Variants in NRXN1 observed in about 807,000 individuals in gnomAD.
NRXN1 encodes neurexin 1.
In NRXN1, 39 loss-of-function variants were observed where a neutral mutation model predicts 150.9. The ratio of observed to expected loss-of-function variants is 0.26; its 90% CI spans 0.20 to 0.34. The LOEUF (loss-of-function observed/expected upper bound fraction) is 0.34. Among genes scored for constraint, NRXN1 ranks in the 10% least tolerant of loss-of-function variants. The probability of loss-of-function intolerance (pLI) is 1.00; values close to 1 mark genes in which losing one functional copy is unlikely to be tolerated. For synonymous variants in NRXN1, 924 were observed against 757.0 expected (o/e 1.22, Z -3.62); for missense variants, 1,815 against 1,949.9 (o/e 0.93, Z 1.30).
At chr2:50,487,535 G>A (rs530799093) in intron 15 of NRXN1, among the ~76,000 whole-genome samples, 3 of 152,266 alleles carry the variant, frequency 2.0e-5, no homozygotes, top group African/African-American at 7.2e-5. Context: ...TTTCCTGTGT[G>A]GATAAAGATG....
At position 50,574,491 on chromosome 2, in the gene NRXN1, G is replaced by A. The variant is rs893755032; in HGVS notation, c.1321-21466C>T. Among the ~76,000 whole-genome samples the A allele has an allele frequency of 3.9e-5, 6 of 152,030 alleles. No individual in the cohort carries two copies. In the East Asian group the frequency reaches 7.7e-4, roughly 20 times the overall value. On this transcript the variant is annotated intron_variant, in intron 8 of 22. Coordinates refer to ENST00000401669, the MANE Select transcript of NRXN1 (RefSeq NM_001330078.2). ...TCATCTCCCAAGGCTCCTTTCCTAT[G>A]CAGGCAAAATCAAATTAACTTCAAA...
chr2:50,483,724 T>C (rs7578235), intron 15 of NRXN1, among the ~76,000 whole-genome samples: 152,110 of 152,310 alleles, frequency 1, 75,956 homozygotes, highest in Middle Eastern at 1. Context: ...AATTCTTTTC[T>C]GATGCACCAC....
intron 15 of NRXN1, among the ~76,000 whole-genome samples, chr2:50,489,690 T>G (rs192193232): frequency 5.3e-4 from 81 of 152,182 alleles, no homozygotes; most frequent in Non-Finnish European, 9.9e-4. Context: ...TTGATAAAAC[T>G]AAATATAGAC....
intron 5 of NRXN1, among the ~76,000 whole-genome samples, chr2:50,879,326 A>C (rs1238859322): frequency 6.6e-6 from 1 of 151,938 alleles, no homozygotes; most frequent in Non-Finnish European, 1.5e-5. Flanking sequence ...TTTCTTAAAA[A>C]TCAAGCAATC....
At chr2:50,360,075 C>T (rs1167989505) in intron 17 of NRXN1, among the ~76,000 whole-genome samples, 1 of 152,146 alleles carries the variant, frequency 6.6e-6, no homozygotes, top group African/African-American at 2.4e-5. Flanking sequence ...TTTGTCACCA[C>T]CAGGCCTGCC....
chr2:50,355,137 C>T (rs1403640469), intron 17 of NRXN1, among the ~76,000 whole-genome samples: 1 of 151,764 alleles, frequency 6.6e-6, no homozygotes, highest in Non-Finnish European at 1.5e-5. Flanking sequence ...GCATATACTA[C>T]AATTTGAATG....
intron 5 of NRXN1, among the ~76,000 whole-genome samples, chr2:50,848,434 T>C (rs1017937635): frequency 3.9e-5 from 6 of 152,110 alleles, no homozygotes; most frequent in African/African-American, 1.2e-4. Flanking sequence ...GAAAAGCTAA[T>C]GACATATGTT....
intron 17 of NRXN1, among the ~76,000 whole-genome samples, chr2:50,434,513 A>T (rs1007667755): frequency 6.6e-6 from 1 of 152,308 alleles, no homozygotes; most frequent in East Asian, 1.9e-4. Flanking sequence ...AAGAAGGACA[A>T]TGAGCTACTG....
In NRXN1 at chr2:51,029,029, C is replaced by T. The variant is rs1274454199; in HGVS notation, c.-756G>A. 2.0e-5 allele frequency: 3 copies of T among 152,346 alleles called. No homozygotes were observed. The highest frequency in any genetic ancestry group is 4.8e-5 in the African/African-American group (2 of 41,582). 9.4% of individuals were successfully genotyped at this position (152,346 alleles called of 1,614,324 possible). A position where few individuals can be genotyped will look rare whatever the true frequency, so the allele number is the denominator to read the frequency against. On this transcript the variant is annotated 5_prime_UTR_variant, in exon 2 of 23. Coordinates refer to ENST00000401669, the MANE Select transcript of NRXN1 (RefSeq NM_001330078.2). ...GCCACGGCAACAGTAGGACTCAAAC[C>T]CAGCAGTTGCGAAATAGCCAGAAGC...
chr2:50,373,092 C>T (rs1388817851), intron 17 of NRXN1, among the ~76,000 whole-genome samples: 1 of 151,902 alleles, frequency 6.6e-6, no homozygotes, highest in African/African-American at 2.4e-5. Context: ...CTACTTTACT[C>T]TGTGTTTTAA....
At chr2:50,832,551 G>T (rs1163018869) in intron 5 of NRXN1, among the ~76,000 whole-genome samples, 4 of 152,120 alleles carry the variant, frequency 2.6e-5, no homozygotes, top group Admixed American at 2.6e-4. Flanking sequence ...TACTCCAGAG[G>T]GTGAGGCAGG....
At chr2:50,219,965 AT>A (rs2063727281) in intron 18 of NRXN1, among the ~76,000 whole-genome samples, 8 of 56,762 alleles carry the variant, frequency 1.4e-4, no homozygotes, top group East Asian at 7.0e-4. Flanking sequence ...TATATATATT[AT>A]ATATATATAA....
chr2:50,769,614 C>T (rs1321705344), intron 5 of NRXN1, among the ~76,000 whole-genome samples: 3 of 152,050 alleles, frequency 2.0e-5, no homozygotes, highest in Non-Finnish European at 4.4e-5. Flanking sequence ...CCACGGGACC[C>T]GTTGCCTGGA....
chr2:50,672,386 T>C (rs1205795668), intron 5 of NRXN1, among the ~76,000 whole-genome samples: 2 of 152,040 alleles, frequency 1.3e-5, no homozygotes, highest in Non-Finnish European at 2.9e-5. Flanking sequence ...CATTCAAATG[T>C]GGCTATGCTT....
intron 17 of NRXN1, among the ~76,000 whole-genome samples, chr2:50,269,015 G>A (rs908736671): frequency 3.3e-5 from 5 of 152,128 alleles, no homozygotes; most frequent in African/African-American, 4.8e-5. Flanking sequence ...GATAAGAGTC[G>A]CTTAATTTGG....
intron 18 of NRXN1, among the ~76,000 whole-genome samples, chr2:50,132,814 G>C (rs1324919721): frequency 6.6e-6 from 1 of 150,862 alleles, no homozygotes; most frequent in African/African-American, 2.4e-5. Context: ...AGTCCAGTTA[G>C]GAAAGTACTC....
intron 18 of NRXN1, among the ~76,000 whole-genome samples, chr2:50,097,235 G>A (rs553288665): frequency 6.6e-6 from 1 of 152,310 alleles, no homozygotes; most frequent in Admixed American, 6.5e-5. Context: ...TTGTGAGCAA[G>A]TGTGCAACTC....
chr2:50,748,836 G>C (rs1433349679), intron 5 of NRXN1, among the ~76,000 whole-genome samples: 1 of 152,060 alleles, frequency 6.6e-6, no homozygotes, highest in Non-Finnish European at 1.5e-5. Context: ...TCAATTCTCT[G>C]AGCAATATAC....
At chr2:50,384,874 T>A (rs755776026) in intron 17 of NRXN1, among the ~76,000 whole-genome samples, 2 of 152,160 alleles carry the variant, frequency 1.3e-5, no homozygotes, top group African/African-American at 4.8e-5. Context: ...CTCCTTAGAA[T>A]CATTCACCCA....
Sources: allele counts gnomAD v4.1 joint callset (sites outside exome capture counted in the v4.1 genomes callset), GRCh38; gene constraint gnomAD v4.1.1; transcripts MANE v1.5; gene names NCBI Gene and HGNC (gene_info 2026-07-23, HGNC 2026-07-21).